Variants in KIF18A observed in about 807,000 individuals in gnomAD.
The protein encoded by KIF18A is kinesin-like protein KIF18A.
Under a neutral mutation model 103.3 loss-of-function variants are expected in KIF18A, and 67 were observed. The observed-to-expected ratio is 0.65, with a 90% confidence interval of 0.53 to 0.79. The LOEUF (loss-of-function observed/expected upper bound fraction) is 0.79, where lower values mean the gene tolerates loss of function less well. KIF18A is among the 30% of genes least tolerant of loss of function. The probability of loss-of-function intolerance (pLI) is 0.00; values close to 1 mark genes in which losing one functional copy is unlikely to be tolerated. For missense variants in KIF18A, 1,032 were observed against 1,062.5 expected, an observed-to-expected ratio of 0.97 and a Z score of 0.40; for synonymous variants, 367 against 355.5, an observed-to-expected ratio of 1.03 and a Z score of -0.36.
At chr11:28,069,561 T>A in intron 10 of KIF18A, 138 bp from the exon 11 acceptor site, 1 of 765,546 alleles carries the variant, frequency 1.3e-6, no homozygotes, top group Non-Finnish European at 2.0e-6. Context: ...TAAAGCTATT[T>A]CCCCCTTGAA....
At chr11:28,023,707 A>G (rs1850274532) in intron 16 of KIF18A, 34 bp downstream of exon 16, 1 of 1,181,322 alleles carries the variant, frequency 8.5e-7, no homozygotes, top group Non-Finnish European at 1.3e-6. Context: ...ACAGAGTCAT[A>G]CCATTAAATA....
chr11:28,062,007 A>G (rs1850861424), intron 12 of KIF18A, among the ~76,000 whole-genome samples: 1 of 152,206 alleles, frequency 6.6e-6, no homozygotes, highest in African/African-American at 2.4e-5. Context: ...AAAATTCTGG[A>G]ATTATGAATA....
chr11:28,064,352 A>G (rs1850891174), intron 11 of KIF18A, among the ~76,000 whole-genome samples: 1 of 152,118 alleles, frequency 6.6e-6, no homozygotes, highest in South Asian at 2.1e-4. Flanking sequence ...ACTAAAATTT[A>G]AGAGCTGGAT....
rs777095753 is a variant in KIF18A at position 28,035,428 on chromosome 11, C to A, written c.2463G>T (p.Met821Ile). The A allele has an allele frequency of 7.5e-6, 12 of 1,602,466 alleles. No individual in the cohort carries two copies. In the Middle Eastern group the frequency reaches 6.7e-4, roughly 89 times the overall value. Residue 821 changes from methionine (M) to isoleucine (I), a missense_variant, in exon 15 of 17, where the codon ATG becomes ATT. By Grantham distance (10) the Met-to-Ile change is conservative. Transcript: ENST00000263181. ...MPVPSMVPSY[M>I]AMTTAAKRKR... ...TCCTTTTGGCAGCAGTAGTCATTGCCATGTAGGATGGCACCATGCTTGGTA... is the reference window on the plus strand; with the variant it reads ...TCCTTTTGGCAGCAGTAGTCATTGCAATGTAGGATGGCACCATGCTTGGTA...
intron 13 of KIF18A, among the ~76,000 whole-genome samples, chr11:28,054,862 A>C (rs566874135): frequency 7.6e-4 from 116 of 152,214 alleles, no homozygotes; most frequent in Admixed American, 1.2e-3. Flanking sequence ...TATCATGAGA[A>C]GGAATTAAGA....
chr11:28,064,693 T>C (rs1241495227), intron 11 of KIF18A, among the ~76,000 whole-genome samples: 1 of 152,094 alleles, frequency 6.6e-6, no homozygotes. Context: ...GACTTGATTG[T>C]ATAATTGTAT....
chr11:28,032,390 A>G (rs1850422856), intron 15 of KIF18A, among the ~76,000 whole-genome samples: 1 of 151,922 alleles, frequency 6.6e-6, no homozygotes, highest in South Asian at 2.1e-4. Context: ...ATGGAATCAC[A>G]AAAGACCCAG....
chr11:28,036,669 T>A lies in KIF18A; in HGVS notation c.1949-5A>T. ...TAGTTCCACCTGAAGATGAGCCTAT[T>A]CAAAAAAATAAAAAAAGACACTCGA... On this transcript the variant is annotated splice_region_variant and splice_polypyrimidine_tract_variant and intron_variant, in intron 13 of 16. Transcript: ENST00000263181. 1 of 1,526,162 alleles carries A rather than the reference T, an allele frequency of 6.6e-7. No homozygotes were observed. The allele number at this position is 1,526,162 out of a possible 1,614,324, so 94.5% of individuals were successfully genotyped here. A position where few individuals can be genotyped will look rare whatever the true frequency, so the allele number is the denominator to read the frequency against.
chr11:28,066,512 T>C (rs942949644), intron 11 of KIF18A, among the ~76,000 whole-genome samples: 1 of 151,902 alleles, frequency 6.6e-6, no homozygotes, highest in Non-Finnish European at 1.5e-5. Flanking sequence ...ATCTTGTCTT[T>C]TTTTGCTTAC....
At chr11:28,065,194 T>A (rs1464023161) in intron 11 of KIF18A, among the ~76,000 whole-genome samples, 2 of 152,036 alleles carry the variant, frequency 1.3e-5, no homozygotes, top group Non-Finnish European at 2.9e-5. Flanking sequence ...AATTTGAAAG[T>A]CAGAAGTTCT....
chr11:28,068,349 G>C (rs1010415148), intron 11 of KIF18A, among the ~76,000 whole-genome samples: 4 of 150,552 alleles, frequency 2.7e-5, no homozygotes, highest in Non-Finnish European at 5.9e-5. Flanking sequence ...ATGACGAGTT[G>C]ATAGGTGCAG....
At chr11:28,050,962 A>G (rs1166931211) in intron 13 of KIF18A, among the ~76,000 whole-genome samples, 1 of 151,872 alleles carries the variant, frequency 6.6e-6, no homozygotes, top group Non-Finnish European at 1.5e-5. Context: ...TAGGCTTATT[A>G]ATTTAAGAAA....
At chr11:28,101,228 C>T (rs1851442707) in intron 1 of KIF18A, among the ~76,000 whole-genome samples, 1 of 152,076 alleles carries the variant, frequency 6.6e-6, no homozygotes, top group African/African-American at 2.4e-5. Flanking sequence ...AGCAGTGTCC[C>T]ATATTCCTTG....
chr11:28,107,338 G>T (rs1488183487), intron 1 of KIF18A, among the ~76,000 whole-genome samples: 2 of 151,336 alleles, frequency 1.3e-5, no homozygotes, highest in East Asian at 3.9e-4. Context: ...ACAGCAGTCA[G>T]TCTTGGCTTC....
chr11:28,060,299 T>C lies in KIF18A; in HGVS notation c.1713-1138A>G, dbSNP rs560147134. ...AATAGATGATGTTCCAGTTGACTCA[T>C]AACATCGAGGAGAAGAGAACCATTA... On this transcript the variant is annotated intron_variant, in intron 12 of 16. Coordinates refer to ENST00000263181, the MANE Select transcript of KIF18A (RefSeq NM_031217.4). Among the ~76,000 whole-genome samples, 13 of 152,312 alleles carry C rather than the reference T, an allele frequency of 8.5e-5. No individual in the cohort carries two copies. The East Asian group carries it at 2.5e-3, about 29-fold the overall frequency.
chr11:28,027,197 A>T (rs193301414), intron 15 of KIF18A, among the ~76,000 whole-genome samples: 1 of 151,930 alleles, frequency 6.6e-6, no homozygotes, highest in East Asian at 1.9e-4. Flanking sequence ...TTTTCTCCCC[A>T]TAATCACATA....
In KIF18A at chr11:28,082,966, A is replaced by T. The variant is rs200860663; in HGVS notation, c.1152T>A (p.Ile384=). ...CTTTTAGTTTTTCTTTTAACAATAA[A>T]ATCTAGTAGAGAGAAATCACTAGTT... is the stretch of plus-strand genomic sequence containing the variant. The part of the protein sequence containing the change: ...VKICNEQKAE[I]LLLKEKLKAY... Residue 384 remains isoleucine, a splice_region_variant and synonymous_variant, in exon 9 of 17, where the codon ATT becomes ATA. Coordinates refer to ENST00000263181, the MANE Select transcript of KIF18A (RefSeq NM_031217.4). The T allele has an allele frequency of 6.4e-7, 1 of 1,555,444 alleles. No homozygotes were observed. The highest frequency in any genetic ancestry group is 8.8e-7 in the Non-Finnish European group (1 of 1,141,904).
chr11:28,084,035 T>A (rs1480144080), intron 7 of KIF18A, among the ~76,000 whole-genome samples: 1 of 152,138 alleles, frequency 6.6e-6, no homozygotes, highest in Non-Finnish European at 1.5e-5. Flanking sequence ...TTGATATACA[T>A]GTTTTTAAGT....
intron 2 of KIF18A, among the ~76,000 whole-genome samples, chr11:28,095,109 T>C (rs148422416): frequency 3.3e-5 from 5 of 152,358 alleles, no homozygotes; most frequent in African/African-American, 9.6e-5. Flanking sequence ...CTTTGCAATT[T>C]GTAGTCATCT....
Sources: allele counts gnomAD v4.1 joint callset (sites outside exome capture counted in the v4.1 genomes callset), GRCh38; gene constraint gnomAD v4.1.1; transcripts MANE v1.5; gene names NCBI Gene and HGNC (gene_info 2026-07-23, HGNC 2026-07-21).